SPDYE21: variants seen among roughly 807,000 people sequenced by gnomAD.
SPDYE21 encodes the protein speedy protein E21.
A neutral mutation model predicts 36.2 loss-of-function variants in SPDYE21; 14 were observed. That is an observed-to-expected ratio of 0.39 (90% CI 0.26 to 0.61). The LOEUF (loss-of-function observed/expected upper bound fraction) is 0.61, where lower values mean the gene tolerates loss of function less well. Among genes scored for constraint, SPDYE21 ranks in the 20% least tolerant of loss-of-function variants. SPDYE21 has a pLI of 0.55. For missense variants in SPDYE21, 233 were observed against 424.6 expected (o/e 0.55, Z 3.97); for synonymous variants, 58 against 155.1 (o/e 0.37, Z 4.65).
intron 6 of SPDYE21, 34 bp from the exon 7 acceptor site, chr7:67,286,010 T>A (rs1422176585): frequency 1.2e-6 from 2 of 1,612,070 alleles, no homozygotes; most frequent in Admixed American, 1.7e-5. Context: ...CTCCTGGTGG[T>A]GCCCCTGAGC....
At chr7:67,281,134 AG>A (rs1802631187) in intron 3 of SPDYE21, among the ~76,000 whole-genome samples, 3 of 138,066 alleles carry the variant, frequency 2.2e-5, no homozygotes, top group African/African-American at 7.7e-5. Context: ...AGGGACTCAG[AG>A]AGCCAGGGAC....
chr7:67,282,596 G>C lies in SPDYE21; in HGVS notation c.611-39G>C. On this transcript the variant is annotated intron_variant, in intron 4 of 8. Coordinates refer to ENST00000424157, the MANE Select transcript of SPDYE21 (RefSeq NM_001382715.2). ...GCCCTGCTGCTCCCACGGAAACCCT[G>C]TCCTGCTTCTCACACTGACATCTGC... The C allele has an allele frequency of 1.9e-6, 3 of 1,593,352 alleles. No homozygotes were observed. In the Admixed American group the frequency reaches 5.0e-5, roughly 27 times the overall value.
rs1298547045 is a variant in SPDYE21, at chr7:67,288,868, C to T, written c.*1396C>T. ...GATGTAATTTTTTACCTTGTTTTGG[C>T]ATGTTTGTATATTACTTTAAAGAGG... On this transcript the variant is annotated 3_prime_UTR_variant, in exon 9 of 9. Coordinates refer to ENST00000424157, the MANE Select transcript of SPDYE21 (RefSeq NM_001382715.2). Among the ~76,000 whole-genome samples the T allele has an allele frequency of 6.6e-6, 1 of 150,656 alleles. No individual in the cohort carries two copies. Among genetic ancestry groups the T allele is most frequent in the Admixed American group, 6.7e-5 (1 of 14,928 alleles).
chr7:67,279,769 G>A (rs1802599773), intron 2 of SPDYE21, 49 bp from the exon 3 acceptor site: 2 of 1,593,562 alleles, frequency 1.3e-6, no homozygotes, highest in African/African-American at 2.7e-5. Flanking sequence ...CGGGGTCTAA[G>A]GTGATCAGAT....
Position 67,280,127 on chromosome 7 carries a change from C to T in SPDYE21, c.379+91C>T, listed in dbSNP as rs529298681. ...CCACACTTTTCCAATGGGAAAGATA[C>T]GCCCCCAGTGGGTGAGCTCTCCACG... On this transcript the variant is annotated intron_variant, in intron 3 of 8. Transcript: ENST00000424157. 208 of 1,495,140 alleles carry T rather than the reference C, an allele frequency of 1.4e-4. No homozygotes were observed. In the African/African-American group the frequency reaches 2.2e-3, roughly 16 times the overall value. The allele number at this position is 1,495,140 out of a possible 1,614,324, so 92.6% of individuals were successfully genotyped here.
intron 1 of SPDYE21, among the ~76,000 whole-genome samples, 70 bp from the exon 2 acceptor site, chr7:67,278,222 C>T (rs1199961504): frequency 4.4e-5 from 5 of 114,820 alleles, no homozygotes; most frequent in African/African-American, 1.8e-4. Flanking sequence ...ATGATAATCT[C>T]ACTCTTATAA....
In SPDYE21 at chr7:67,286,219, A is replaced by G. The variant is rs1291771717; in HGVS notation, c.931A>G (p.Lys311Glu). ...CCGCTCTCGCATACCCTTGCTCCGT[A>G]AGCGTCGGTTCCAGTTAGGCCGTTC... is the stretch of plus-strand genomic sequence containing the variant. ...KNRSRIPLLR[K>E]RRFQLGRSMN... The change falls in exon 7 of 9, where the codon AAG (lysine) becomes GAG (glutamate). Residue 311 changes from lysine to glutamate, a missense_variant. Lys to Glu is a moderately conservative substitution (Grantham distance 56). Around this residue, in one of 4 missense-constraint regions of SPDYE21, gnomAD observed 139 missense variants for 175.8 expected, o/e 0.79. Transcript: ENST00000424157. 1 of 1,612,002 alleles carries G rather than the reference A, an allele frequency of 6.2e-7. No individual in the cohort carries two copies. The highest frequency in any genetic ancestry group is 8.5e-7 in the Non-Finnish European group (1 of 1,178,994).
In SPDYE21 at chr7:67,287,700, G is replaced by A. The variant is rs1200261208; in HGVS notation, c.*228G>A. ...TGGGAGCAGGGGTTGGGGGAGGGGGGTGGGGTCCTTCTAGGAGTCCTTGGA... is the reference window on the plus strand; with the variant it reads ...TGGGAGCAGGGGTTGGGGGAGGGGGATGGGGTCCTTCTAGGAGTCCTTGGA... On this transcript the variant is annotated 3_prime_UTR_variant, in exon 9 of 9. Coordinates refer to ENST00000424157, the MANE Select transcript of SPDYE21 (RefSeq NM_001382715.2). Among the ~76,000 whole-genome samples the A allele has an allele frequency of 9.3e-6, 1 of 106,994 alleles. No individual in the cohort carries two copies. Among genetic ancestry groups the A allele is most frequent in the African/African-American group, 3.6e-5 (1 of 27,848 alleles). The allele number at this position is 106,994 out of a possible 152,430, so 70.2% of individuals were successfully genotyped here.
intron 3 of SPDYE21, 139 bp downstream of exon 3, chr7:67,280,175 C>T (rs1802607452): frequency 6.8e-7 from 1 of 1,479,504 alleles, no homozygotes; most frequent in Non-Finnish European, 9.0e-7. Context: ...GAAGTGATCA[C>T]TCATGAGGGA....
intron 3 of SPDYE21, among the ~76,000 whole-genome samples, chr7:67,280,716 A>AAG (rs1802616510): frequency 6.9e-6 from 1 of 144,200 alleles, no homozygotes; most frequent in Admixed American, 7.2e-5. Context: ...AAAAAAAAAA[A>AAG]AAAAAAAAAA....
intron 8 of SPDYE21, among the ~76,000 whole-genome samples, chr7:67,287,299 G>A (rs1212594430): frequency 1.3e-5 from 2 of 152,214 alleles, no homozygotes; most frequent in Admixed American, 1.3e-4. Context: ...CACTGGGGCT[G>A]ACCTTGGGTG....
In SPDYE21 at chr7:67,286,390, T is replaced by C. The variant is rs1186117912; in HGVS notation, c.1102T>C (p.Cys368Arg). ...CCAGAAACTTCGGTTCCAGTTCTTC[T>C]GTTCCATGAGCGGCAGGGCTTGGGT... is the stretch of plus-strand genomic sequence containing the variant. ...LFQKLRFQFF[C>R]SMSGRAWVSP... is the part of the protein sequence containing the mutation. Residue 368 changes from cysteine to arginine, a missense_variant, in exon 7 of 9, where the codon TGT becomes CGT. By Grantham distance (180) the Cys-to-Arg change is radical. Coordinates refer to ENST00000424157, the MANE Select transcript of SPDYE21 (RefSeq NM_001382715.2). 6.6e-6 allele frequency among the ~76,000 whole-genome samples: 1 copy of C among 152,098 alleles called. No individual in the cohort carries two copies. Among genetic ancestry groups the C allele is most frequent in the African/African-American group, 2.4e-5 (1 of 41,422 alleles).
At chr7:67,286,498 T>G (rs922741114) in intron 7 of SPDYE21, among the ~76,000 whole-genome samples, 61 bp downstream of exon 7, 1 of 151,464 alleles carries the variant, frequency 6.6e-6, no homozygotes, top group African/African-American at 2.4e-5. Context: ...GGAGGCTGGA[T>G]GAGGGGAGAG....
chr7:67,279,904 G>A lies in SPDYE21; in HGVS notation c.247G>A (p.Glu83Lys). The A allele has an allele frequency of 6.3e-7, 1 of 1,590,490 alleles. No individual in the cohort carries two copies. The highest frequency in any genetic ancestry group is 8.5e-7 in the Non-Finnish European group (1 of 1,177,514). The change falls in exon 3 of 9, where the codon GAG becomes AAG. Residue 83 changes from glutamate to lysine, a missense_variant. By Grantham distance (56) the Glu-to-Lys change is moderately conservative. Around this residue, in one of 4 missense-constraint regions of SPDYE21, gnomAD observed 68 missense variants for 87.6 expected, o/e 0.78. Coordinates refer to ENST00000424157, the MANE Select transcript of SPDYE21 (RefSeq NM_001382715.2). Reference sequence around the variant, plus strand: ...GTCAGATGAATCTGAGGAGGAGCCGGAGAAGGAGCTCGCCCCTGAGCCTGA... The same window carrying A: ...GTCAGATGAATCTGAGGAGGAGCCGAAGAAGGAGCTCGCCCCTGAGCCTGA... ...EWSDESEEEPEKELAPEPEET... is the reference protein window; with the variant it reads ...EWSDESEEEPKKELAPEPEET...
chr7:67,288,045 T>C lies in SPDYE21; in HGVS notation c.*573T>C, dbSNP rs1460635198. ...TCAAATAGTTTGGAAATTGTTGTACTTTTGAAAACATGCTGTTCCTGTAGT... is the reference window on the plus strand; with the variant it reads ...TCAAATAGTTTGGAAATTGTTGTACCTTTGAAAACATGCTGTTCCTGTAGT... On this transcript the variant is annotated 3_prime_UTR_variant, in exon 9 of 9. Coordinates refer to ENST00000424157, the MANE Select transcript of SPDYE21 (RefSeq NM_001382715.2). 4.0e-5 allele frequency among the ~76,000 whole-genome samples: 6 copies of C among 151,102 alleles called. No homozygotes were observed. The highest frequency in any genetic ancestry group is 1.3e-4 in the Admixed American group (2 of 15,096).
rs1802602631 is a variant in SPDYE21, at chr7:67,279,904, GAGA to G, written c.250_252del (p.Lys84del). The G allele has an allele frequency of 1.9e-6, 3 of 1,590,490 alleles. No homozygotes were observed. Among genetic ancestry groups the G allele is most frequent in the Non-Finnish European group, 2.5e-6 (3 of 1,177,514 alleles). ...GTCAGATGAATCTGAGGAGGAGCCG[GAGA>G]AGGAGCTCGCCCCTGAGCCTGAGGA... On this transcript the variant is annotated inframe_deletion, in exon 3 of 9. Transcript: ENST00000424157.
chr7:67,279,625 CAGAG>C (rs988613081), intron 2 of SPDYE21, among the ~76,000 whole-genome samples, 189 bp from the exon 3 acceptor site: 2 of 151,664 alleles, frequency 1.3e-5, no homozygotes, highest in Non-Finnish European at 2.9e-5. Flanking sequence ...GTTCGGAGGA[CAGAG>C]AGAGAGAAGA....
At chr7:67,277,759 A>T (rs1802564534) in intron 1 of SPDYE21, among the ~76,000 whole-genome samples, 1 of 148,818 alleles carries the variant, frequency 6.7e-6, no homozygotes, top group South Asian at 2.2e-4. Context: ...TACATGTGAT[A>T]TTTTATTCAT....
At chr7:67,285,844 C>T (rs1802719563) in intron 6 of SPDYE21, among the ~76,000 whole-genome samples, 200 bp from the exon 7 acceptor site, 1 of 152,052 alleles carries the variant, frequency 6.6e-6, no homozygotes, top group Admixed American at 6.6e-5. Flanking sequence ...GGGTTTTTGT[C>T]TCCATCCTGA....
Sources: gnomAD v4.1 joint callset for allele counts (sites outside exome capture counted in the v4.1 genomes callset) on GRCh38, gnomAD v4.1.1 for gene constraint, gnomAD v4.1.1 regional missense constraint, MANE v1.5 for transcripts, NCBI Gene and HGNC (gene_info 2026-07-23, HGNC 2026-07-21) for gene names.